The following PKD1 variants were observed in gnomAD, a reference collection of about 807,000 sequenced individuals.
PKD1 encodes the protein polycystin 1, transient receptor potential channel interacting.
Under a neutral mutation model 361.7 loss-of-function variants are expected in PKD1, and 81 were observed. The observed-to-expected ratio is 0.22, with a 90% CI of 0.19 to 0.27. The LOEUF (loss-of-function observed/expected upper bound fraction) is 0.27, where lower values mean the gene tolerates loss of function less well. PKD1 is among the 10% of genes least tolerant of loss of function. PKD1 has a pLI of 1.00. For synonymous variants in PKD1, 3,615 were observed against 2,818.3 expected, an observed-to-expected ratio of 1.28 and a Z score of -8.95; for missense variants, 6,399 against 6,118.3, an observed-to-expected ratio of 1.05 and a Z score of -1.53.
rs2854618 is a variant in PKD1 at position 2,109,241 on chromosome 16, C to A, written c.5926G>T (p.Val1976Leu). ...ATGCCAGGCTCGCAGCAGTTGGGCA[C>A]CTGCAGCCCACTCACGGCCTCCAGC... ...VVLEAVSGLQ[V>L]PNCCEPGIAT... The change falls in exon 15 of 46, where the codon GTG becomes TTG. Residue 1976 changes from valine (V) to leucine (L), a missense_variant. Transcript: ENST00000262304. 2 of 1,589,002 alleles carry A rather than the reference C, an allele frequency of 1.3e-6. No individual in the cohort carries two copies. Among genetic ancestry groups the A allele is most frequent in the Admixed American group, 1.7e-5 (1 of 59,464 alleles).
At position 2,110,293 on chromosome 16, in the gene PKD1, A is replaced by T. The variant is rs1408023590; in HGVS notation, c.4874T>A (p.Phe1625Tyr). The T allele has an allele frequency of 6.2e-7, 1 of 1,612,510 alleles. No homozygotes were observed. The highest frequency in any genetic ancestry group is 8.5e-7 in the Non-Finnish European group (1 of 1,179,846). The change falls in exon 15 of 46, where the codon TTC becomes TAC. Residue 1625 changes from phenylalanine to tyrosine, a missense_variant. Physicochemically the swap from Phe to Tyr is conservative, Grantham distance 22. Coordinates refer to ENST00000262304, the MANE Select transcript of PKD1 (RefSeq NM_001009944.3). ...NEVGSAQDSI[F>Y]VYVLQLIEGL... ...CTCTATGAGCTGCAGGACATAGACG[A>T]AGATGCTGTCCTGGGCGGAGCCCAC...
Position 2,092,027 on chromosome 16 carries a change from G to A in PKD1, c.11411+20C>T, listed in dbSNP as rs899020508. On this transcript the variant is annotated intron_variant, in intron 40 of 45. Transcript: ENST00000262304. ...TCCCTTGTCCTTGGCGTAGACGCCC[G>A]GGGCCCTCGCTCTGCTCACCCCAGC... 1.2e-6 allele frequency: 2 copies of A among 1,612,564 alleles called. No individual in the cohort carries two copies. Among genetic ancestry groups the A allele is most frequent in the Middle Eastern group, 3.3e-4 (2 of 6,062 alleles).
intron 30 of PKD1, 104 bp from the exon 31 acceptor site, chr16:2,098,088 G>A (rs2549683): frequency 3.3e-5 from 23 of 691,386 alleles, no homozygotes; most frequent in African/African-American, 3.0e-4. Flanking sequence ...GGTGCCATCT[G>A]ACAGAATGTC....
rs201970421 is a variant in PKD1 at position 2,090,266 on chromosome 16, C to A, written c.12444+19G>T. 40 of 1,608,086 alleles carry A rather than the reference C, an allele frequency of 2.5e-5. No individual in the cohort carries two copies. The highest frequency in any genetic ancestry group is 3.3e-4 in the Middle Eastern group (2 of 6,068). On this transcript the variant is annotated intron_variant, in intron 45 of 45. Transcript: ENST00000262304. ...GAGCCCAGGGCGTGTCCCTCTCCCC[C>A]CCACTGGGCCGTACCCACCTCCTTG...
chr16:2,103,254 C>T lies in PKD1; in HGVS notation c.8791+12G>A, dbSNP rs199581510. The T allele has an allele frequency of 2.7e-4, 431 of 1,609,128 alleles. No homozygotes were observed. Among genetic ancestry groups the T allele is most frequent in the Middle Eastern group, 4.5e-4 (2 of 4,448 alleles). ...GCCAGGGGGCCGCGTGTGCCCCACCCGCTGCACGCACCGTCCAGCAGCGTA... is the reference window on the plus strand; with the variant it reads ...GCCAGGGGGCCGCGTGTGCCCCACCTGCTGCACGCACCGTCCAGCAGCGTA... On this transcript the variant is annotated intron_variant, in intron 23 of 45. Coordinates refer to ENST00000262304, the MANE Select transcript of PKD1 (RefSeq NM_001009944.3).
intron 39 of PKD1, 120 bp downstream of exon 39, chr16:2,092,360 G>T: frequency 2.1e-6 from 2 of 948,808 alleles, no homozygotes; most frequent in East Asian, 2.6e-5. Flanking sequence ...AGGAAACGGC[G>T]GTGTTAAGAG....
intron 9 of PKD1, 79 bp downstream of exon 9, chr16:2,115,913 C>T (rs1194975952): frequency 6.8e-7 from 1 of 1,475,126 alleles, no homozygotes; most frequent in African/African-American, 1.4e-5. Context: ...GCCACAGGAC[C>T]AGCAGACGTG....
At chr16:2,121,330 A>T (rs1466497211) in intron 1 of PKD1, among the ~76,000 whole-genome samples, 1 of 151,724 alleles carries the variant, frequency 6.6e-6, no homozygotes, top group Admixed American at 6.6e-5. Context: ...GCACCCCTGC[A>T]CTCCAGCACC....
intron 16 of PKD1, chr16:2,107,329 G>A (rs1567188467): frequency 3.7e-5 from 14 of 379,992 alleles, no homozygotes. Flanking sequence ...CAGGGCCTGG[G>A]TCAGGAGGCT....
chr16:2,102,498 C>T lies in PKD1; in HGVS notation c.9084G>A (p.Glu3028=). Residue 3028 remains glutamate, a synonymous_variant, in exon 25 of 46, where the codon GAG becomes GAA. Transcript: ENST00000262304. ...AGGTCTCCTCCAGGGGCAGCAGCCC[C>T]TCTGTCCGCCACACCATGTCCTCCT... ...FSEEDMVWRT[E]GLLPLEETSP... is the part of the protein sequence containing the mutation. 2 of 1,586,128 alleles carry T rather than the reference C, an allele frequency of 1.3e-6. No individual in the cohort carries two copies. The highest frequency in any genetic ancestry group is 1.1e-5 in the South Asian group (1 of 88,230).
At chr16:2,130,220 G>C (rs1447800794) in intron 1 of PKD1, among the ~76,000 whole-genome samples, 1 of 152,228 alleles carries the variant, frequency 6.6e-6, no homozygotes, top group Non-Finnish European at 1.5e-5. Context: ...GGTGAGGCCA[G>C]CTGGACATGC....
intron 40 of PKD1, 43 bp from the exon 41 acceptor site, chr16:2,091,949 C>A: frequency 6.2e-7 from 1 of 1,611,656 alleles, no homozygotes. Flanking sequence ...CCAGCCCTTC[C>A]GGCACCCCGG....
chr16:2,090,497 C>T lies in PKD1; in HGVS notation c.12232G>A (p.Glu4078Lys). ...AGCAGGGGTGACAGGTGCCAGGACT[C>T]GGCAGGACACAGGGTAGAGAGCCCA... ...GTGLSTLCPA[E>K]SWHLSPLLCV... Residue 4078 changes from glutamate to lysine, a missense_variant, in exon 45 of 46, where the codon GAG becomes AAG. Glu to Lys is a moderately conservative substitution (Grantham distance 56). Coordinates refer to ENST00000262304, the MANE Select transcript of PKD1 (RefSeq NM_001009944.3). 6.2e-7 allele frequency: 1 copy of T among 1,611,572 alleles called. No homozygotes were observed. The highest frequency in any genetic ancestry group is 8.5e-7 in the Non-Finnish European group (1 of 1,179,572).
Position 2,111,533 on chromosome 16 carries a change from G to A in PKD1, c.3634C>T (p.Leu1212Phe). 1.9e-6 allele frequency: 3 copies of A among 1,604,756 alleles called. No individual in the cohort carries two copies. The highest frequency in any genetic ancestry group is 2.5e-6 in the Non-Finnish European group (3 of 1,176,544). The change falls in exon 15 of 46, where the codon CTC (leucine) becomes TTC (phenylalanine). Residue 1212 changes from leucine (L) to phenylalanine (F), a missense_variant. Leu to Phe is a conservative substitution (Grantham distance 22). Coordinates refer to ENST00000262304, the MANE Select transcript of PKD1 (RefSeq NM_001009944.3). ...AQADVRVFEE[L>F]RGLSVDMSLA... is the part of the protein sequence containing the mutation. ...CTCATGTCCACGCTGAGTCCGCGGA[G>A]CTCCTCAAAGACGCGCACATCCGCC...
At chr16:2,112,061 G>T (rs1419652183) in intron 14 of PKD1, among the ~76,000 whole-genome samples, 190 bp from the exon 15 acceptor site, 3 of 152,224 alleles carry the variant, frequency 2.0e-5, no homozygotes, top group Non-Finnish European at 4.4e-5. Flanking sequence ...TGCCTGGCGA[G>T]GACGGCACCG....
intron 1 of PKD1, among the ~76,000 whole-genome samples, chr16:2,132,947 G>A (rs576007765): frequency 3.2e-4 from 49 of 151,566 alleles, no homozygotes; most frequent in African/African-American, 1.1e-3. Flanking sequence ...CAGGCATGGT[G>A]GTGCACGCCT....
At chr16:2,127,619 G>T (rs1055967369) in intron 1 of PKD1, among the ~76,000 whole-genome samples, 24 of 151,936 alleles carry the variant, frequency 1.6e-4, no homozygotes, top group Non-Finnish European at 3.4e-4. Context: ...AACCCCTGAG[G>T]GAACCGACAG....
At position 2,103,448 on chromosome 16, in the gene PKD1, C is replaced by T. The variant is rs200763681; in HGVS notation, c.8609G>A (p.Arg2870His). ...GTTGGGCACCTTCACGGTGATGGCG[C>T]GCTCTGAGGCCAGCCGCTCGATGGG... ...QIPIERLASE[R>H]AITVKVPNNS... Residue 2870 changes from arginine to histidine, a missense_variant, in exon 23 of 46, where the codon CGC becomes CAC. By Grantham distance (29) the Arg-to-His change is conservative. Coordinates refer to ENST00000262304, the MANE Select transcript of PKD1 (RefSeq NM_001009944.3). The T allele has an allele frequency of 1.7e-4, 265 of 1,599,232 alleles. No homozygotes were observed. Among genetic ancestry groups the T allele is most frequent in the African/African-American group, 1.9e-4 (14 of 74,854 alleles).
rs147102184 is a variant in PKD1 at position 2,100,067 on chromosome 16, G to A, written c.9717C>T (p.Asp3239=). 5.9e-5 allele frequency: 94 copies of A among 1,600,626 alleles called. No individual in the cohort carries two copies. In the African/African-American group the frequency reaches 6.2e-4, roughly 10 times the overall value. The stretch of plus-strand genomic sequence containing the variant: ...GGCGCCGGAAGCGCAAAAGGGCTGC[G>A]TCGCCTAGAAGGCAGGGAGGGCCGC... The part of the protein sequence containing the change: ...LVEKEVLAAS[D]AALLRFRRLL... Residue 3239 remains aspartate, a synonymous_variant, in exon 29 of 46, where the codon GAC becomes GAT. Transcript: ENST00000262304. The surrounding 1 kb of genome is among the most constrained non-coding windows in gnomAD (Gnocchi z 4.4).
Sources: gnomAD v4.1 joint callset for allele counts (sites outside exome capture counted in the v4.1 genomes callset) on GRCh38, gnomAD v4.1.1 for gene constraint, Gnocchi (gnomAD v3.1) non-coding constraint, MANE v1.5 for transcripts, NCBI Gene and HGNC (gene_info 2026-07-23, HGNC 2026-07-21) for gene names.